The following UMAD1 variants were observed in gnomAD, a reference collection of about 807,000 sequenced individuals.
UMAD1 encodes the protein UBAP1-MVB12-associated (UMA)-domain containing protein 1.
A neutral mutation model predicts 6.1 loss-of-function variants in UMAD1; 8 were observed. The observed-to-expected ratio is 1.30, with a 90% CI of 0.76 to 2.35. UMAD1 has a LOEUF of 2.35. Among genes scored for constraint, UMAD1 ranks in the 30% most tolerant of loss-of-function variants. UMAD1 has a pLI of 0.00. For synonymous variants in UMAD1, 56 were observed against 31.4 expected (o/e 1.78, Z -2.61); for missense variants, 130 against 78.4 (o/e 1.66, Z -2.49).
intron 2 of UMAD1, among the ~76,000 whole-genome samples, chr7:7,678,288 T>A (rs551982524): frequency 5.5e-4 from 83 of 151,666 alleles, no homozygotes; most frequent in African/African-American, 1.9e-3. Flanking sequence ...TTTAACTGGG[T>A]TGAGATGATA....
In UMAD1 at chr7:7,835,500, T is replaced by TTA. The variant is rs776524699; in HGVS notation, c.156+33757_156+33758insTA. The stretch of plus-strand genomic sequence containing the variant: ...TTTTTTTTTTTTTTTTTTTTTTTTT[T>TTA]AGCTCTTAGCAATATATAGAAGTGA... On this transcript the variant is annotated intron_variant, in intron 3 of 3. Coordinates refer to ENST00000682710, the MANE Select transcript of UMAD1 (RefSeq NM_001302348.2). 1.2e-4 allele frequency among the ~76,000 whole-genome samples: 12 copies of TTA among 102,494 alleles called. 1 individual carries two copies. In the East Asian group the frequency reaches 1.2e-3, roughly 10 times the overall value. 67.2% of individuals were successfully genotyped at this position (102,494 alleles called of 152,430 possible).
intron 2 of UMAD1, among the ~76,000 whole-genome samples, chr7:7,757,686 T>C (rs968850770): frequency 6.6e-6 from 1 of 152,204 alleles, no homozygotes; most frequent in Admixed American, 6.5e-5. Flanking sequence ...TTGCTAGCTG[T>C]GGGGACTTGA....
chr7:7,728,996 G>A (rs1781195904), intron 2 of UMAD1, among the ~76,000 whole-genome samples: 1 of 152,192 alleles, frequency 6.6e-6, no homozygotes. Context: ...AAACTACAAT[G>A]TTCATAAGTG....
At chr7:7,738,362 A>T (rs796658960) in intron 2 of UMAD1, among the ~76,000 whole-genome samples, 15 of 152,338 alleles carry the variant, frequency 9.8e-5, no homozygotes, top group African/African-American at 3.6e-4. Context: ...AATTTAAATC[A>T]TCTCTATTTG....
chr7:7,645,279 A>G (rs1175976647), intron 1 of UMAD1, among the ~76,000 whole-genome samples: 1 of 152,228 alleles, frequency 6.6e-6, no homozygotes, highest in Non-Finnish European at 1.5e-5. Flanking sequence ...GTTTAAGTCA[A>G]GATGGGGTTT....
At chr7:7,874,207 T>C (rs1784377522) in intron 3 of UMAD1, among the ~76,000 whole-genome samples, 1 of 152,210 alleles carries the variant, frequency 6.6e-6, no homozygotes, top group African/African-American at 2.4e-5. Flanking sequence ...CCTTTTACCC[T>C]TAAAGTCTAT....
chr7:7,715,899 C>G (rs1390298536), intron 2 of UMAD1, among the ~76,000 whole-genome samples: 1 of 152,174 alleles, frequency 6.6e-6, no homozygotes, highest in East Asian at 1.9e-4. Context: ...TAACCATTTA[C>G]TAAACTTTGG....
intron 2 of UMAD1, chr7:7,715,175 C>G (rs764048511): frequency 2.6e-5 from 4 of 152,094 alleles, no homozygotes; most frequent in Non-Finnish European, 5.9e-5. Flanking sequence ...ATAAACTTAC[C>G]TGAAACTATT....
intron 1 of UMAD1, among the ~76,000 whole-genome samples, chr7:7,643,792 C>T (rs1453626478): frequency 1.3e-5 from 2 of 151,422 alleles, no homozygotes; most frequent in East Asian, 3.9e-4. Context: ...TTAACCTTCA[C>T]ATTCCCGCTT....
chr7:7,799,274 A>G (rs2115272283), intron 2 of UMAD1, among the ~76,000 whole-genome samples: 1 of 152,378 alleles, frequency 6.6e-6, no homozygotes, highest in Non-Finnish European at 1.5e-5. Flanking sequence ...CAGAGAAACA[A>G]TCTTGCAGAT....
intron 2 of UMAD1, among the ~76,000 whole-genome samples, chr7:7,790,205 C>T (rs1388497915): frequency 6.6e-6 from 1 of 152,142 alleles, no homozygotes; most frequent in Non-Finnish European, 1.5e-5. Flanking sequence ...CTTTTCAAGT[C>T]AGACTCTCTT....
At chr7:7,762,078 C>T (rs1375725843) in intron 2 of UMAD1, among the ~76,000 whole-genome samples, 1 of 152,178 alleles carries the variant, frequency 6.6e-6, no homozygotes, top group Non-Finnish European at 1.5e-5. Flanking sequence ...AAAGTAGAAA[C>T]CTATCCTAAA....
intron 2 of UMAD1, among the ~76,000 whole-genome samples, chr7:7,721,749 A>G (rs537499007): frequency 6.6e-6 from 1 of 152,106 alleles, no homozygotes; most frequent in East Asian, 1.9e-4. Flanking sequence ...ATTTTACTGA[A>G]CTCCCCATCT....
At chr7:7,807,720 T>G (rs919772717) in intron 3 of UMAD1, among the ~76,000 whole-genome samples, 2 of 152,146 alleles carry the variant, frequency 1.3e-5, no homozygotes, top group Non-Finnish European at 2.9e-5. Context: ...ACAGCGTATT[T>G]GTATTAAGTA....
chr7:7,727,438 G>T (rs1191702684), intron 2 of UMAD1, among the ~76,000 whole-genome samples: 1 of 152,092 alleles, frequency 6.6e-6, no homozygotes, highest in Non-Finnish European at 1.5e-5. Flanking sequence ...GTCTTTATTT[G>T]AAAATTATAT....
At chr7:7,851,354 T>A (rs1783912877) in intron 3 of UMAD1, among the ~76,000 whole-genome samples, 2 of 152,228 alleles carry the variant, frequency 1.3e-5, no homozygotes, top group South Asian at 4.1e-4. Context: ...TTGTAAATAA[T>A]ACTATTCTGA....
rs1393545464 is a variant in UMAD1, at chr7:7,878,613, A to C, written c.*1075A>C. The C allele has an allele frequency of 6.6e-6, 1 of 152,218 alleles. No individual in the cohort carries two copies. Among genetic ancestry groups the C allele is most frequent in the Non-Finnish European group, 1.5e-5 (1 of 68,024 alleles). 9.4% of individuals were successfully genotyped at this position (152,218 alleles called of 1,614,324 possible). ...ATAGAGAATTTTCTATGTCATGGGAAATTGAAATCACATTTATTTTGATTA... is the reference window on the plus strand; with the variant it reads ...ATAGAGAATTTTCTATGTCATGGGACATTGAAATCACATTTATTTTGATTA... On this transcript the variant is annotated 3_prime_UTR_variant, in exon 4 of 4. Coordinates refer to ENST00000682710, the MANE Select transcript of UMAD1 (RefSeq NM_001302348.2).
At chr7:7,722,157 CTATATATATATATGTATATATATGTATA>C (rs1781062159) in intron 2 of UMAD1, among the ~76,000 whole-genome samples, 24 of 122,742 alleles carry the variant, frequency 2.0e-4, no homozygotes, top group Admixed American at 3.2e-4. Context: ...CTCTCTCTCT[CTATATATATATATGTATATATATGTATA>C]TCTATATATC....
intron 3 of UMAD1, among the ~76,000 whole-genome samples, chr7:7,836,752 G>T (rs1285147992): frequency 6.6e-6 from 1 of 151,838 alleles, no homozygotes; most frequent in Non-Finnish European, 1.5e-5. Flanking sequence ...TTAGACATAA[G>T]CAAAGAGAGA....
Sources: allele counts gnomAD v4.1 joint callset (sites outside exome capture counted in the v4.1 genomes callset), GRCh38; gene constraint gnomAD v4.1.1; transcripts MANE v1.5; gene names NCBI Gene and HGNC (gene_info 2026-07-23, HGNC 2026-07-21).